RAD51B: variants seen among roughly 807,000 people sequenced by gnomAD.
RAD51B encodes DNA repair protein RAD51 homolog 2.
Under a neutral mutation model 42.2 loss-of-function variants are expected in RAD51B, and 38 were observed. The observed-to-expected ratio is 0.90, with a 90% CI of 0.70 to 1.18. The LOEUF (loss-of-function observed/expected upper bound fraction) is 1.18. Ranked by LOEUF, RAD51B falls within the 50% of genes most tolerant of loss-of-function variation. The probability of loss-of-function intolerance (pLI) is 0.00; values close to 1 mark genes in which losing one functional copy is unlikely to be tolerated. For synonymous variants in RAD51B, 154 were observed against 145.2 expected, an observed-to-expected ratio of 1.06 and a Z score of -0.43; for missense variants, 373 against 400.7, an observed-to-expected ratio of 0.93 and a Z score of 0.59.
intron 11 of RAD51B, among the ~76,000 whole-genome samples, chr14:68,680,971 T>C (rs929688685): frequency 6.6e-6 from 1 of 152,122 alleles, no homozygotes; most frequent in Non-Finnish European, 1.5e-5. Context: ...AAATAACCCT[T>C]GCAACACATC....
At chr14:68,368,551 C>T (rs1594738706) in intron 8 of RAD51B, among the ~76,000 whole-genome samples, 1 of 152,304 alleles carries the variant, frequency 6.6e-6, no homozygotes, top group East Asian at 1.9e-4. Context: ...ATTTCATCTT[C>T]CATTCAACTC....
intron 4 of RAD51B, among the ~76,000 whole-genome samples, chr14:67,859,920 G>A (rs1019617390): frequency 2.0e-5 from 3 of 151,884 alleles, no homozygotes; most frequent in African/African-American, 2.4e-5. Flanking sequence ...TCCCAGGTTC[G>A]TGCGATTCTC....
rs569251411 is a variant in RAD51B, at chr14:68,238,732, G to A, written c.757-53152G>A. On this transcript the variant is annotated intron_variant, in intron 7 of 10. Transcript: ENST00000471583. ...ATAATGTAATACAATGTATCCCTGCGTTGTGGTCTGTGGAACACCTGCAAT... is the reference window on the plus strand; with the variant it reads ...ATAATGTAATACAATGTATCCCTGCATTGTGGTCTGTGGAACACCTGCAAT... Among the ~76,000 whole-genome samples, 13 of 152,326 alleles carry A rather than the reference G, an allele frequency of 8.5e-5. No individual in the cohort carries two copies. In the South Asian group the frequency reaches 1.0e-3, roughly 12 times the overall value.
At chr14:68,339,222 C>A in intron 8 of RAD51B, 1 of 1,152,660 alleles carries the variant, frequency 8.7e-7, no homozygotes. Flanking sequence ...TGTCTCTGGC[C>A]TGTACTTGTG....
intron 7 of RAD51B, among the ~76,000 whole-genome samples, chr14:67,935,686 G>C (rs1054945719): frequency 1.3e-5 from 2 of 152,206 alleles, no homozygotes; most frequent in Non-Finnish European, 2.9e-5. Context: ...AAATTTTAAA[G>C]TGGATTCTGT....
chr14:68,399,669 G>C (rs2084037354), intron 8 of RAD51B, among the ~76,000 whole-genome samples: 1 of 152,140 alleles, frequency 6.6e-6, no homozygotes, highest in Non-Finnish European at 1.5e-5. Flanking sequence ...TGAACCATCT[G>C]AGGGCAAGTT....
chr14:68,665,842 C>T (rs1893022438), intron 11 of RAD51B, among the ~76,000 whole-genome samples: 1 of 152,164 alleles, frequency 6.6e-6, no homozygotes, highest in Non-Finnish European at 1.5e-5. Context: ...TGCTCTCAGT[C>T]CATGAGATTT....
intron 9 of RAD51B, among the ~76,000 whole-genome samples, chr14:68,462,076 G>A (rs1017850279): frequency 6.6e-6 from 1 of 152,198 alleles, no homozygotes; most frequent in Non-Finnish European, 1.5e-5. Flanking sequence ...GATCTGCTGA[G>A]TCCCACTGAA....
intron 9 of RAD51B, chr14:68,422,265 A>C: frequency 1.3e-6 from 1 of 767,492 alleles, no homozygotes; most frequent in Non-Finnish European, 2.3e-6. Context: ...TAGCTTATAA[A>C]ATTAGGGGTA....
chr14:68,501,204 C>T (rs1884894988), intron 10 of RAD51B, among the ~76,000 whole-genome samples: 1 of 152,176 alleles, frequency 6.6e-6, no homozygotes, highest in African/African-American at 2.4e-5. Flanking sequence ...TAAAGTCAGG[C>T]AAGGCTGTGC....
chr14:68,588,586 G>A (rs545290171), intron 10 of RAD51B, among the ~76,000 whole-genome samples: 3 of 152,240 alleles, frequency 2.0e-5, no homozygotes, highest in Admixed American at 1.3e-4. Flanking sequence ...GGTCTGGCAG[G>A]GTCAGTTCTG....
intron 10 of RAD51B, among the ~76,000 whole-genome samples, chr14:68,546,453 G>A (rs1178725655): frequency 2.0e-5 from 3 of 152,148 alleles, no homozygotes; most frequent in African/African-American, 4.8e-5. Context: ...GGAAGTAAGG[G>A]AGCATAGATA....
chr14:68,540,588 G>T (rs10483811), intron 10 of RAD51B: 41 of 985,078 alleles, frequency 4.2e-5, no homozygotes, highest in Non-Finnish European at 4.9e-5. Context: ...GGTTCTAGGT[G>T]CTGTGCAAGT....
At chr14:68,482,308 G>A (rs534502961), downstream of RAD51B, among the ~76,000 whole-genome samples, 8 of 152,094 alleles carry the variant, frequency 5.3e-5, 1 homozygote, top group South Asian at 4.2e-4. Context: ...TGTGGTCCCC[G>A]TCAGCCTACA....
intron 7 of RAD51B, among the ~76,000 whole-genome samples, chr14:68,290,673 G>A (rs1415794097): frequency 1.3e-5 from 2 of 152,100 alleles, no homozygotes; most frequent in Non-Finnish European, 2.9e-5. Flanking sequence ...TAAAAGAGGA[G>A]TGTTATTTCT....
chr14:68,111,655 T>C (rs2077461263), intron 7 of RAD51B, among the ~76,000 whole-genome samples: 1 of 152,040 alleles, frequency 6.6e-6, no homozygotes, highest in Admixed American at 6.6e-5. Flanking sequence ...CCAGTAATGT[T>C]CACCAAACTA....
At chr14:68,099,803 G>A (rs2077258283) in intron 7 of RAD51B, among the ~76,000 whole-genome samples, 1 of 152,204 alleles carries the variant, frequency 6.6e-6, no homozygotes, top group African/African-American at 2.4e-5. Context: ...AGATGGAATT[G>A]TGTGGGGCTG....
Position 68,275,840 on chromosome 14 carries a change from A to ACACACACC in RAD51B, c.757-16043_757-16042insACACACCC, listed in dbSNP as rs780326389. On this transcript the variant is annotated intron_variant, in intron 7 of 10. Coordinates refer to ENST00000471583, the MANE Select transcript of RAD51B (RefSeq NM_133510.4). The stretch of plus-strand genomic sequence containing the variant: ...CACACACACACACACACACACACAC[A>ACACACACC]CCCTTGAATTCTCAGCTGACATGTT... 4.4e-4 allele frequency among the ~76,000 whole-genome samples: 59 copies of ACACACACC among 134,946 alleles called. 1 individual carries two copies. Among genetic ancestry groups the ACACACACC allele is most frequent in the African/African-American group, 1.5e-3 (52 of 34,728 alleles). The allele number at this position is 134,946 out of a possible 152,430, so 88.5% of individuals were successfully genotyped here. A position where few individuals can be genotyped will look rare whatever the true frequency, so the allele number is the denominator to read the frequency against.
intron 1 of RAD51B, among the ~76,000 whole-genome samples, chr14:67,820,768 T>A (rs1485949254): frequency 6.6e-6 from 1 of 152,136 alleles, no homozygotes; most frequent in Non-Finnish European, 1.5e-5. Context: ...AGTCATTAAA[T>A]GATGATTGCT....
Sources: gnomAD v4.1 joint callset for allele counts (sites outside exome capture counted in the v4.1 genomes callset) on GRCh38, gnomAD v4.1.1 for gene constraint, MANE v1.5 for transcripts, NCBI Gene and HGNC (gene_info 2026-07-23, HGNC 2026-07-21) for gene names.